The following LAMA4 variants were observed in gnomAD, a reference collection of about 807,000 sequenced individuals.
LAMA4 encodes laminin subunit alpha-4.
Under a neutral mutation model 207.1 loss-of-function variants are expected in LAMA4, and 127 were observed. That is an observed-to-expected ratio of 0.61 (90% confidence interval 0.53 to 0.71). LAMA4 has a LOEUF of 0.71. LAMA4 is among the 30% of genes least tolerant of loss of function. The pLI is 0.00. For missense variants in LAMA4, 2,093 were observed against 2,246.5 expected (o/e 0.93, Z 1.38); for synonymous variants, 761 against 816.0 (o/e 0.93, Z 1.15).
intron 12 of LAMA4, chr6:112,172,087 C>G: frequency 5.9e-6 from 1 of 169,542 alleles, no homozygotes. Context: ...TGTGGGCATG[C>G]ACGAATTCTG....
intron 17 of LAMA4, 114 bp from the exon 18 acceptor site, chr6:112,148,450 G>T: frequency 1.8e-6 from 2 of 1,102,446 alleles, no homozygotes; most frequent in Non-Finnish European, 2.7e-6. Flanking sequence ...GGGCTCTTAA[G>T]CAAAAGTAAG....
intron 2 of LAMA4, among the ~76,000 whole-genome samples, chr6:112,243,595 A>C (rs1786688065): frequency 6.6e-6 from 1 of 152,154 alleles, no homozygotes; most frequent in Non-Finnish European, 1.5e-5. Context: ...AAGAATCAGA[A>C]AGTTACAGAC....
chr6:112,158,931 AT>A, intron 13 of LAMA4, 51 bp from the exon 14 acceptor site: 1 of 1,297,484 alleles, frequency 7.7e-7, no homozygotes. Flanking sequence ...AACTTAAAAC[AT>A]TTTTCCTAGG....
At chr6:112,183,865 C>T (rs1411171212) in intron 9 of LAMA4, among the ~76,000 whole-genome samples, 1 of 148,238 alleles carries the variant, frequency 6.7e-6, no homozygotes, top group Non-Finnish European at 1.5e-5. Flanking sequence ...GCAGGAGAAT[C>T]ACTGGAACCC....
intron 15 of LAMA4, 125 bp downstream of exon 15, chr6:112,155,440 G>T: frequency 1.9e-6 from 2 of 1,064,914 alleles, no homozygotes; most frequent in Non-Finnish European, 2.9e-6. Context: ...TCTTCCCTTA[G>T]TTCCCCTGCC....
intron 17 of LAMA4, among the ~76,000 whole-genome samples, chr6:112,150,252 CACACACAG>C (rs1554335451): frequency 2.5e-4 from 38 of 151,470 alleles, no homozygotes; most frequent in Admixed American, 7.2e-4. Flanking sequence ...CACAGACACA[CACACACAG>C]AGGCAATGCT....
At chr6:112,230,785 C>A (rs1785513876) in intron 2 of LAMA4, among the ~76,000 whole-genome samples, 1 of 152,188 alleles carries the variant, frequency 6.6e-6, no homozygotes, top group African/African-American at 2.4e-5. Flanking sequence ...ATCCTCAGTG[C>A]CTTCATAGAG....
intron 16 of LAMA4, among the ~76,000 whole-genome samples, chr6:112,153,483 A>C (rs1468062481): frequency 6.6e-6 from 1 of 152,162 alleles, no homozygotes; most frequent in Non-Finnish European, 1.5e-5. Context: ...CAGACATAAA[A>C]TATGGAACTT....
At chr6:112,148,516 T>TA (rs1278317811) in intron 17 of LAMA4, among the ~76,000 whole-genome samples, 180 bp from the exon 18 acceptor site, 6 of 152,142 alleles carry the variant, frequency 3.9e-5, no homozygotes, top group African/African-American at 1.4e-4. Context: ...GAGGTAAATT[T>TA]AAAAAGAAGA....
At position 112,148,204 on chromosome 6, in the gene LAMA4, A is replaced by G; in HGVS notation, c.2306T>C (p.Phe769Ser). The G allele has an allele frequency of 1.9e-6, 3 of 1,614,200 alleles. No homozygotes were observed. Among genetic ancestry groups the G allele is most frequent in the Non-Finnish European group, 2.5e-6 (3 of 1,180,020 alleles). ...LTNWSQNLQH[F>S]DSSAYNTAVN... Reference sequence around the variant, plus strand: ...TGCAGTGTTGTAAGCAGAAGAGTCAAAATGTTGAAGATTCTGTGACCAGTT... The same window carrying G: ...TGCAGTGTTGTAAGCAGAAGAGTCAGAATGTTGAAGATTCTGTGACCAGTT... Residue 769 changes from phenylalanine (F) to serine (S), a missense_variant, in exon 18 of 39, where the codon TTT becomes TCT. By Grantham distance (155) the Phe-to-Ser change is radical. Coordinates refer to ENST00000230538, the MANE Select transcript of LAMA4 (RefSeq NM_001105206.3).
rs138030555 is a variant in LAMA4 at position 112,141,452 on chromosome 6, C to G, written c.2719G>C (p.Val907Leu). Residue 907 changes from valine to leucine, a missense_variant, in exon 21 of 39, where the codon GTC becomes CTC. This residue lies in a region of LAMA4 where 1,704 missense variants were observed against 1,788.4 expected (regional missense o/e 0.95). Transcript: ENST00000230538. ...ACATCTTTAGTTCCCAAATTATAGA[C>G]GTATACCAGATTATCATTTTTGATT... is the stretch of plus-strand genomic sequence containing the variant. ...LAIKNDNLVY[V>L]YNLGTKDVEI... 6.2e-7 allele frequency: 1 copy of G among 1,611,250 alleles called. No homozygotes were observed. The highest frequency in any genetic ancestry group is 8.5e-7 in the Non-Finnish European group (1 of 1,177,552).
intron 37 of LAMA4, 75 bp downstream of exon 37, chr6:112,114,588 T>C (rs1771661158): frequency 2.1e-6 from 2 of 970,206 alleles, no homozygotes; most frequent in Admixed American, 1.7e-5. Flanking sequence ...ATCATATAAG[T>C]GATAGCCTAA....
chr6:112,129,142 T>C, intron 30 of LAMA4, 67 bp from the exon 31 acceptor site: 1 of 1,417,306 alleles, frequency 7.1e-7, no homozygotes, highest in Non-Finnish European at 9.9e-7. Flanking sequence ...ATGAATATTA[T>C]GGAAGTGAAA....
intron 18 of LAMA4, 107 bp from the exon 19 acceptor site, chr6:112,145,040 T>C: frequency 9.1e-7 from 1 of 1,092,948 alleles, no homozygotes; most frequent in Non-Finnish European, 1.3e-6. Flanking sequence ...CTAAGAGAAA[T>C]GATTTTTAAT....
rs373949918 is a variant in LAMA4, at chr6:112,119,191, C to T, written c.4786G>A (p.Gly1596Ser). The T allele has an allele frequency of 2.5e-6, 4 of 1,614,048 alleles. No homozygotes were observed. The highest frequency in any genetic ancestry group is 1.7e-4 in the Middle Eastern group (1 of 6,052). ...TTCACAGCCTTTCCAGGAGCCACAC[C>T]TCCCAAATAAATGGGACCCTTGATT... ...WKIKGPIYLG[G>S]VAPGKAVKNV... The change falls in exon 34 of 39, where the codon GGT (glycine) becomes AGT (serine). Residue 1596 changes from glycine to serine, a missense_variant. Physicochemically the swap from Gly to Ser is moderately conservative, Grantham distance 56. This residue lies in a region of LAMA4 where 383 missense variants were observed against 437.8 expected (regional missense o/e 0.87). Transcript: ENST00000230538.
chr6:112,228,123 C>T (rs1785327335), intron 2 of LAMA4, among the ~76,000 whole-genome samples: 2 of 152,186 alleles, frequency 1.3e-5, no homozygotes. Flanking sequence ...AATGGGAGCC[C>T]TAACTATCTG....
At chr6:112,234,297 T>C (rs979572924) in intron 2 of LAMA4, 6 of 152,152 alleles carry the variant, frequency 3.9e-5, no homozygotes, top group Non-Finnish European at 7.3e-5. Flanking sequence ...CTATCAAGAA[T>C]GAAAACAAGA....
intron 27 of LAMA4, 75 bp from the exon 28 acceptor site, chr6:112,132,965 G>T: frequency 6.9e-7 from 1 of 1,456,222 alleles, no homozygotes; most frequent in South Asian, 1.1e-5. Flanking sequence ...TTTCACATAC[G>T]GAAGGCCTTG....
intron 28 of LAMA4, among the ~76,000 whole-genome samples, chr6:112,132,527 A>T (rs1357231390): frequency 6.6e-6 from 1 of 152,156 alleles, no homozygotes; most frequent in African/African-American, 2.4e-5. Context: ...CCTGAATTCT[A>T]TCCATGAACC....
Sources: allele counts gnomAD v4.1 joint callset (sites outside exome capture counted in the v4.1 genomes callset), GRCh38; gene constraint gnomAD v4.1.1; regional missense constraint gnomAD v4.1.1; transcripts MANE v1.5; gene names NCBI Gene and HGNC (gene_info 2026-07-23, HGNC 2026-07-21).